Variants in MCC observed in about 807,000 individuals in gnomAD.
MCC encodes colorectal mutant cancer protein.
In MCC, 90 loss-of-function variants were observed where a neutral mutation model predicts 116.2. The observed-to-expected ratio is 0.77, with a 90% CI of 0.65 to 0.92. The LOEUF is 0.92. Among genes scored for constraint, MCC ranks in the 40% least tolerant of loss-of-function variants. The pLI is 0.00. For synonymous variants in MCC, 578 were observed against 510.5 expected (o/e 1.13, Z -1.78); for missense variants, 1,516 against 1,312.2 (o/e 1.16, Z -2.40).
chr5:113,090,525 G>A (rs753400738), intron 8 of MCC, among the ~76,000 whole-genome samples: 20 of 152,202 alleles, frequency 1.3e-4, no homozygotes, highest in Non-Finnish European at 2.6e-4. Flanking sequence ...GAATGTGCCT[G>A]GGGCATTGGC....
At chr5:113,074,098 C>A (rs979166168) in intron 11 of MCC, among the ~76,000 whole-genome samples, 7 of 152,210 alleles carry the variant, frequency 4.6e-5, no homozygotes, top group African/African-American at 1.2e-4. Flanking sequence ...GGGTCCCTGA[C>A]CCCTGAGTAG....
chr5:113,225,188 G>A (rs1763688220), intron 3 of MCC, among the ~76,000 whole-genome samples: 1 of 152,170 alleles, frequency 6.6e-6, no homozygotes, highest in Non-Finnish European at 1.5e-5. Flanking sequence ...CATAACACTA[G>A]TTCCGATCTG....
At chr5:113,079,561 G>A (rs925415728) in intron 11 of MCC, among the ~76,000 whole-genome samples, 4 of 152,328 alleles carry the variant, frequency 2.6e-5, no homozygotes, top group African/African-American at 4.8e-5. Context: ...ATGGGGAAAG[G>A]ATTCCCTAGT....
intron 3 of MCC, among the ~76,000 whole-genome samples, chr5:113,204,353 G>C (rs928629027): frequency 1.5e-4 from 23 of 152,116 alleles, no homozygotes; most frequent in Non-Finnish European, 1.5e-5. Flanking sequence ...TTGAAATACA[G>C]ATTTTTAGTT....
chr5:113,312,752 T>C (rs757494539), intron 3 of MCC, among the ~76,000 whole-genome samples: 9 of 152,002 alleles, frequency 5.9e-5, no homozygotes, highest in Non-Finnish European at 1.0e-4. Flanking sequence ...GGGTAGGGAG[T>C]TTCTCATATA....
At chr5:113,384,432 C>CA (rs1374225702) in intron 2 of MCC, among the ~76,000 whole-genome samples, 2 of 151,990 alleles carry the variant, frequency 1.3e-5, no homozygotes, top group Non-Finnish European at 2.9e-5. Flanking sequence ...ACTAAAAATA[C>CA]AAAAAATTAG....
At chr5:113,384,412 C>A (rs1769197767) in intron 2 of MCC, among the ~76,000 whole-genome samples, 1 of 152,154 alleles carries the variant, frequency 6.6e-6, no homozygotes, top group Non-Finnish European at 1.5e-5. Context: ...TACGGTGAAA[C>A]CCCGTCTCTA....
intron 8 of MCC, among the ~76,000 whole-genome samples, chr5:113,090,253 G>C (rs1291224023): frequency 6.6e-6 from 1 of 151,966 alleles, no homozygotes; most frequent in African/African-American, 2.4e-5. Context: ...ACTGTCAGGG[G>C]AAGATGCGAA....
At chr5:113,414,526 C>A (rs1373657963) in intron 1 of MCC, among the ~76,000 whole-genome samples, 1 of 151,670 alleles carries the variant, frequency 6.6e-6, no homozygotes, top group Non-Finnish European at 1.5e-5. Context: ...TATGTAATGG[C>A]CTTTGTCTCT....
chr5:113,040,876 A>G (rs543466494), intron 17 of MCC, among the ~76,000 whole-genome samples: 3 of 152,206 alleles, frequency 2.0e-5, no homozygotes, highest in Non-Finnish European at 4.4e-5. Flanking sequence ...TTTAGTCAGC[A>G]CAATCTGCAT....
At chr5:113,405,891 T>G (rs1403787730) in intron 1 of MCC, among the ~76,000 whole-genome samples, 3 of 152,192 alleles carry the variant, frequency 2.0e-5, no homozygotes, top group Non-Finnish European at 2.9e-5. Flanking sequence ...TAGCATATGT[T>G]TACATGACTA....
chr5:113,320,452 C>CAA (rs5870537), intron 3 of MCC, among the ~76,000 whole-genome samples: 21,691 of 132,168 alleles, frequency 0.16, 2,518 homozygotes, highest in African/African-American at 0.29. Context: ...AGACTCATTG[C>CAA]AAAAAAAAAA....
At chr5:113,226,953 C>T (rs1025273039) in intron 3 of MCC, among the ~76,000 whole-genome samples, 6 of 152,104 alleles carry the variant, frequency 3.9e-5, no homozygotes, top group Non-Finnish European at 8.8e-5. Context: ...GATAACTATA[C>T]CTGACTTGTA....
chr5:113,474,066 G>A (rs547631594), intron 1 of MCC, among the ~76,000 whole-genome samples: 2 of 152,312 alleles, frequency 1.3e-5, no homozygotes, highest in Admixed American at 6.5e-5. Context: ...CACCTAATAT[G>A]TATTTTCAAA....
chr5:113,258,514 G>A (rs1367707628), intron 3 of MCC, among the ~76,000 whole-genome samples: 1 of 152,232 alleles, frequency 6.6e-6, no homozygotes, highest in Non-Finnish European at 1.5e-5. Flanking sequence ...GAACCCTATT[G>A]TAAACTGCAC....
At chr5:113,331,324 G>A (rs1042611116) in intron 3 of MCC, among the ~76,000 whole-genome samples, 18 of 151,718 alleles carry the variant, frequency 1.2e-4, no homozygotes, top group Admixed American at 8.5e-4. Flanking sequence ...GTGACTCAGC[G>A]TCCACTAGCA....
At chr5:113,231,866 CCAAAT>C (rs1375134105) in intron 3 of MCC, among the ~76,000 whole-genome samples, 4 of 152,126 alleles carry the variant, frequency 2.6e-5, no homozygotes, top group Admixed American at 1.3e-4. Flanking sequence ...CAATGAACAT[CCAAAT>C]CATTGTCTAC....
chr5:113,431,010 C>T (rs1770624367), intron 1 of MCC, among the ~76,000 whole-genome samples: 1 of 151,966 alleles, frequency 6.6e-6, no homozygotes, highest in South Asian at 2.1e-4. Flanking sequence ...AGAAAAGGAG[C>T]CAGTGGCAAC....
At chr5:113,218,479 G>A (rs1763411977) in intron 3 of MCC, among the ~76,000 whole-genome samples, 1 of 152,128 alleles carries the variant, frequency 6.6e-6, no homozygotes, top group Non-Finnish European at 1.5e-5. Context: ...AGGTGGGTCA[G>A]AATAATCAGT....
Sources: allele counts gnomAD v4.1 joint callset (sites outside exome capture counted in the v4.1 genomes callset), GRCh38; gene constraint gnomAD v4.1.1; transcripts MANE v1.5; gene names NCBI Gene and HGNC (gene_info 2026-07-23, HGNC 2026-07-21).